Variants in ROBO1 observed in about 807,000 individuals in gnomAD.
The protein encoded by ROBO1 is roundabout guidance receptor 1.
A neutral mutation model predicts 195.9 loss-of-function variants in ROBO1; 149 were observed. The ratio of observed to expected loss-of-function variants is 0.76; its 90% CI spans 0.67 to 0.87. The LOEUF (loss-of-function observed/expected upper bound fraction) is 0.87, where lower values mean the gene tolerates loss of function less well. Among genes scored for constraint, ROBO1 ranks in the 40% least tolerant of loss-of-function variants. The probability of loss-of-function intolerance (pLI) is 0.00; values close to 1 mark genes in which losing one functional copy is unlikely to be tolerated. For synonymous variants in ROBO1, 816 were observed against 733.2 expected (o/e 1.11, Z -1.82); for missense variants, 1,933 against 2,068.3 (o/e 0.93, Z 1.27).
intron 4 of ROBO1, among the ~76,000 whole-genome samples, chr3:78,842,747 T>C (rs573017150): frequency 1.5e-4 from 23 of 151,834 alleles, no homozygotes; most frequent in African/African-American, 4.8e-4. Flanking sequence ...GAGAACTATC[T>C]TGCCTTGCTA....
chr3:78,637,095 G>T, intron 22 of ROBO1, among the ~76,000 whole-genome samples: 1 of 126,256 alleles, frequency 7.9e-6, no homozygotes, highest in East Asian at 2.0e-4. Context: ...TTTTATGCAT[G>T]TTGTCCAAAA....
chr3:79,344,658 C>T (rs946131647), intron 2 of ROBO1, among the ~76,000 whole-genome samples: 11 of 151,812 alleles, frequency 7.2e-5, no homozygotes, highest in African/African-American at 2.7e-4. Flanking sequence ...ATAATGAATG[C>T]TTTTGTTAGG....
chr3:78,678,352 C>A (rs1360500720), intron 10 of ROBO1, among the ~76,000 whole-genome samples: 1 of 151,712 alleles, frequency 6.6e-6, no homozygotes. Flanking sequence ...AATAGAGACA[C>A]AAAAAACCCT....
chr3:79,274,866 A>G (rs1006795025), intron 2 of ROBO1, among the ~76,000 whole-genome samples: 3 of 152,046 alleles, frequency 2.0e-5, no homozygotes, highest in Non-Finnish European at 4.4e-5. Context: ...CTATATGCCA[A>G]TAAATTGGAA....
At chr3:78,765,175 T>C (rs1041693799) in intron 4 of ROBO1, among the ~76,000 whole-genome samples, 1 of 152,108 alleles carries the variant, frequency 6.6e-6, no homozygotes. Context: ...GAAGTTTCTA[T>C]ATGCAGATCA....
intron 1 of ROBO1, among the ~76,000 whole-genome samples, chr3:79,682,322 C>T (rs566901676): frequency 3.3e-4 from 50 of 151,726 alleles, no homozygotes; most frequent in African/African-American, 9.9e-4. Flanking sequence ...CCTGTGGCTG[C>T]GTAATATGAA....
intron 2 of ROBO1, among the ~76,000 whole-genome samples, chr3:79,381,618 A>G (rs2036579215): frequency 6.6e-6 from 1 of 151,942 alleles, no homozygotes; most frequent in Non-Finnish European, 1.5e-5. Context: ...CATTAGCCCT[A>G]AAGTCTTACT....
At chr3:79,620,043 A>G (rs1944954940) in intron 1 of ROBO1, among the ~76,000 whole-genome samples, 1 of 152,210 alleles carries the variant, frequency 6.6e-6, no homozygotes, top group South Asian at 2.1e-4. Context: ...CCTAAGATGC[A>G]ATGGTTAGGC....
At chr3:78,971,320 C>T (rs979642821) in intron 3 of ROBO1, among the ~76,000 whole-genome samples, 14 of 152,132 alleles carry the variant, frequency 9.2e-5, no homozygotes, top group African/African-American at 2.9e-4. Flanking sequence ...GCCCGGGAGG[C>T]GGAGGTTGCA....
chr3:79,743,315 G>C (rs572469815), intron 1 of ROBO1, among the ~76,000 whole-genome samples: 21 of 152,264 alleles, frequency 1.4e-4, no homozygotes, highest in Admixed American at 3.9e-4. Context: ...AATGGTATTT[G>C]TGTATATAAA....
At chr3:79,592,973 A>G (rs1465581162) in intron 1 of ROBO1, among the ~76,000 whole-genome samples, 1 of 152,044 alleles carries the variant, frequency 6.6e-6, no homozygotes, top group Non-Finnish European at 1.5e-5. Context: ...GGAATGTCAT[A>G]TAGGCATAAA....
At chr3:79,647,237 A>C (rs1945845682) in intron 1 of ROBO1, among the ~76,000 whole-genome samples, 1 of 152,092 alleles carries the variant, frequency 6.6e-6, no homozygotes, top group Non-Finnish European at 1.5e-5. Context: ...AAATTAAAGC[A>C]ATAATACAGA....
intron 7 of ROBO1, among the ~76,000 whole-genome samples, chr3:78,716,428 T>A (rs1576007233): frequency 6.6e-6 from 1 of 151,942 alleles, no homozygotes; most frequent in African/African-American, 2.4e-5. Flanking sequence ...TATAAAACCA[T>A]CAGATCTCAT....
intron 4 of ROBO1, among the ~76,000 whole-genome samples, chr3:78,860,320 A>AG (rs2106979751): frequency 1.4e-5 from 1 of 71,514 alleles, no homozygotes; most frequent in Admixed American, 1.4e-4. Context: ...ATATATATAT[A>AG]TATATATTTT....
At chr3:79,424,150 T>G (rs563345204) in intron 2 of ROBO1, among the ~76,000 whole-genome samples, 72 of 152,240 alleles carry the variant, frequency 4.7e-4, no homozygotes, top group African/African-American at 1.7e-3. Context: ...AATTATTTAC[T>G]TATACTCTAA....
At chr3:79,648,822 G>C (rs557900911) in intron 1 of ROBO1, among the ~76,000 whole-genome samples, 1 of 152,134 alleles carries the variant, frequency 6.6e-6, no homozygotes, top group African/African-American at 2.4e-5. Context: ...TCTCTTAAAA[G>C]TAACTAGAGA....
At chr3:79,205,595 C>G (rs980631755) in intron 2 of ROBO1, among the ~76,000 whole-genome samples, 1 of 152,148 alleles carries the variant, frequency 6.6e-6, no homozygotes, top group Non-Finnish European at 1.5e-5. Context: ...ACAACTACCA[C>G]TCTTGCATTC....
intron 3 of ROBO1, among the ~76,000 whole-genome samples, chr3:78,956,899 T>C (rs1356200637): frequency 6.6e-6 from 1 of 152,120 alleles, no homozygotes; most frequent in Non-Finnish European, 1.5e-5. Flanking sequence ...CAGTATCACA[T>C]GTGGTATAAA....
At chr3:79,628,508 C>T (rs954125605) in intron 1 of ROBO1, among the ~76,000 whole-genome samples, 6 of 151,690 alleles carry the variant, frequency 4.0e-5, no homozygotes, top group African/African-American at 1.2e-4. Context: ...GGGAAGGGAA[C>T]TTAGAGGATG....
Sources: allele counts gnomAD v4.1 joint callset (sites outside exome capture counted in the v4.1 genomes callset), GRCh38; gene constraint gnomAD v4.1.1; transcripts MANE v1.5; gene names NCBI Gene and HGNC (gene_info 2026-07-23, HGNC 2026-07-21).